JMJD7: variants seen among roughly 807,000 people sequenced by gnomAD.
JMJD7 encodes the protein bifunctional peptidase and (3S)-lysyl hydroxylase JMJD7.
JMJD7 carries 41 observed loss-of-function variants against 41.1 expected under a neutral mutation model. The observed-to-expected ratio is 1.00, with a 90% confidence interval of 0.78 to 1.30. The LOEUF (loss-of-function observed/expected upper bound fraction) is 1.30. JMJD7 is among the 50% of genes most tolerant of loss of function. The probability of loss-of-function intolerance (pLI) is 0.00; values close to 1 mark genes in which losing one functional copy is unlikely to be tolerated. For synonymous variants in JMJD7, 202 were observed against 177.2 expected, an observed-to-expected ratio of 1.14 and a Z score of -1.11; for missense variants, 480 against 420.7, an observed-to-expected ratio of 1.14 and a Z score of -1.23.
chr15:41,831,003 C>T (rs1477497330), intron 1 of JMJD7, among the ~76,000 whole-genome samples: 2 of 152,224 alleles, frequency 1.3e-5, no homozygotes, highest in Admixed American at 6.5e-5. Context: ...CGGTGAAGCC[C>T]GACCTTCAAG....
chr15:41,836,026 C>T (rs1022836726), intron 4 of JMJD7, 122 bp from the exon 5 acceptor site: 4 of 1,059,310 alleles, frequency 3.8e-6, no homozygotes, highest in Non-Finnish European at 5.3e-6. Context: ...CCCACTGGCT[C>T]TGTGCGTGCT....
At position 41,836,874 on chromosome 15, in the gene JMJD7, G is replaced by A. The variant is rs368105937; in HGVS notation, c.796G>A (p.Gly266Ser). 95 of 1,613,300 alleles carry A rather than the reference G, an allele frequency of 5.9e-5. No individual in the cohort carries two copies. The highest frequency in any genetic ancestry group is 5.2e-4 in the South Asian group (47 of 91,070). The change falls in exon 7 of 8, where the codon GGT (glycine) becomes AGT (serine). Residue 266 changes from glycine to serine, a missense_variant. Gly to Ser is a moderately conservative substitution (Grantham distance 56). Coordinates refer to ENST00000397299, the MANE Select transcript of JMJD7 (RefSeq NM_001114632.2). The part of the protein sequence containing the change: ...AQALRCTVRA[G>S]EMLYLPALWF... ...GGCCCTTCGCTGCACGGTGCGGGCC[G>A]GTGAGATGCTCTATCTGCCGGCTCT...
At chr15:41,836,594 A>G in intron 6 of JMJD7, 43 bp downstream of exon 6, 2 of 1,510,882 alleles carry the variant, frequency 1.3e-6, no homozygotes, top group Non-Finnish European at 1.8e-6. Flanking sequence ...AGAAGGGCAG[A>G]AGCCTGGCTC....
intron 1 of JMJD7, among the ~76,000 whole-genome samples, chr15:41,831,328 C>T (rs145889522): frequency 0.011 from 1,638 of 152,298 alleles, 22 homozygotes; most frequent in Non-Finnish European, 0.016. Flanking sequence ...TTCCTGGGCC[C>T]AGTGGGGTCT....
chr15:41,836,471 C>T lies in JMJD7; in HGVS notation c.626-4C>T. 6.3e-7 allele frequency: 1 copy of T among 1,578,626 alleles called. No individual in the cohort carries two copies. The highest frequency in any genetic ancestry group is 8.6e-7 in the Non-Finnish European group (1 of 1,161,184). On this transcript the variant is annotated splice_polypyrimidine_tract_variant and splice_region_variant and intron_variant, in intron 5 of 7. Coordinates refer to ENST00000397299, the MANE Select transcript of JMJD7 (RefSeq NM_001114632.2). ...CCCCCACACCCTTCTCCCTTGGGCT[C>T]CAGAGCTGTACACGCCGGCAACCTA...
intron 1 of JMJD7, among the ~76,000 whole-genome samples, chr15:41,830,110 C>T (rs1165402679): frequency 6.6e-6 from 1 of 152,198 alleles, no homozygotes; most frequent in African/African-American, 2.4e-5. Flanking sequence ...AGGCAGCCGA[C>T]TGCACCACCC....
chr15:41,828,324 C>A, intron 1 of JMJD7, 136 bp downstream of exon 1: 1 of 1,076,372 alleles, frequency 9.3e-7, no homozygotes, highest in Non-Finnish European at 1.2e-6. Flanking sequence ...CTGTGGCAAC[C>A]TGCTTCCCTT....
rs1388391556 is a variant in JMJD7 at position 41,836,801 on chromosome 15, C to A, written c.723C>A (p.Asp241Glu). The change falls in exon 7 of 8, where the codon GAC (aspartate) becomes GAA (glutamate). Residue 241 changes from aspartate to glutamate, a missense_variant. Physicochemically the swap from Asp to Glu is conservative, Grantham distance 45. Transcript: ENST00000397299. ...CCCAGGTGCCCTGGATCCCACTGGA[C>A]CCCTTGGCGCCAGACCTAGCACGGT... ...AMEKVPWIPL[D>E]PLAPDLARYP... 6 of 1,610,702 alleles carry A rather than the reference C, an allele frequency of 3.7e-6. No individual in the cohort carries two copies. The highest frequency in any genetic ancestry group is 5.1e-6 in the Non-Finnish European group (6 of 1,178,826).
At chr15:41,833,308 G>A (rs984479639) in intron 1 of JMJD7, among the ~76,000 whole-genome samples, 1 of 149,636 alleles carries the variant, frequency 6.7e-6, no homozygotes, top group African/African-American at 2.5e-5. Flanking sequence ...GGGTGCATCA[G>A]TGAACAGACA....
In JMJD7 at chr15:41,835,331, T is replaced by C. The variant is rs2065296109; in HGVS notation, c.472+108T>C. On this transcript the variant is annotated intron_variant, in intron 3 of 7. Transcript: ENST00000397299. ...GACCTGGCCTATGGGCTTGGTCCTGTCAGCATCTGGTGCAGCTCACTAAAT... is the reference window on the plus strand; with the variant it reads ...GACCTGGCCTATGGGCTTGGTCCTGCCAGCATCTGGTGCAGCTCACTAAAT... 6.9e-6 allele frequency: 10 copies of C among 1,453,244 alleles called. No homozygotes were observed. In the South Asian group the frequency reaches 1.2e-4, roughly 18 times the overall value. 90.0% of individuals were successfully genotyped at this position (1,453,244 alleles called of 1,614,324 possible).
chr15:41,834,277 C>G (rs2065276279), intron 1 of JMJD7, among the ~76,000 whole-genome samples: 1 of 152,256 alleles, frequency 6.6e-6, no homozygotes, highest in South Asian at 2.1e-4. Flanking sequence ...TGAGCACATT[C>G]CTGGTGCTCA....
At position 41,835,223 on chromosome 15, in the gene JMJD7, G is replaced by A. The variant is rs1282111162; in HGVS notation, c.472G>A (p.Gly158Arg). The change falls in exon 3 of 8, where the codon GGA (glycine) becomes AGA (arginine). Residue 158 changes from glycine (G) to arginine (R), a missense_variant and splice_region_variant. Coordinates refer to ENST00000397299, the MANE Select transcript of JMJD7 (RefSeq NM_001114632.2). ...SHVPWASEAL[G>R]KMPDAVNFWL... ...TGTGCCCTGGGCCTCCGAAGCCCTG[G>A]GTGAGTGGAGGTGGGGTGGTCGTGG... 5.0e-6 allele frequency: 8 copies of A among 1,596,784 alleles called. No individual in the cohort carries two copies. In the African/African-American group the frequency reaches 9.3e-5, roughly 19 times the overall value.
chr15:41,835,186 T>C lies in JMJD7; in HGVS notation c.435T>C (p.Asp145=), dbSNP rs754121935. 8.1e-6 allele frequency: 13 copies of C among 1,601,884 alleles called. No homozygotes were observed. The highest frequency in any genetic ancestry group is 3.3e-4 in the Middle Eastern group (2 of 6,058). ...LPSELPQLLP[D]LESHVPWASE... ...GCGAGCTGCCCCAGCTGCTGCCTGA[T>C]CTGGAATCCCATGTGCCCTGGGCCT... The change falls in exon 3 of 8, where the codon GAT becomes GAC. Residue 145 remains aspartate (D), a synonymous_variant. Transcript: ENST00000397299.
chr15:41,836,365 C>T, intron 5 of JMJD7, 110 bp from the exon 6 acceptor site: 2 of 1,554,254 alleles, frequency 1.3e-6, no homozygotes, highest in Middle Eastern at 1.7e-4. Flanking sequence ...CCCAGTGCAC[C>T]AGGGCCCCTG....
intron 1 of JMJD7, 49 bp from the exon 2 acceptor site, chr15:41,834,691 G>C: frequency 6.3e-7 from 1 of 1,599,456 alleles, no homozygotes; most frequent in Non-Finnish European, 8.5e-7. Flanking sequence ...CAGGGACTGG[G>C]TGCTGCAGAC....
chr15:41,833,414 A>ATATTTTTTTTTTT (rs1239528383), intron 1 of JMJD7, among the ~76,000 whole-genome samples: 2 of 32,012 alleles, frequency 6.2e-5, no homozygotes, highest in Non-Finnish European at 1.2e-4. Context: ...ATATATATAT[A>ATATTTTTTTTTTT]TTTTTTTTTT....
intron 4 of JMJD7, 78 bp from the exon 5 acceptor site, chr15:41,836,070 G>A (rs2065308623): frequency 2.1e-6 from 3 of 1,433,816 alleles, no homozygotes; most frequent in African/African-American, 2.9e-5. Context: ...GGGGTGCAGG[G>A]CTCTCAGCAT....
At chr15:41,835,253 G>A (rs554013827) in intron 3 of JMJD7, 30 bp downstream of exon 3, 3 of 1,582,126 alleles carry the variant, frequency 1.9e-6, no homozygotes, top group East Asian at 4.5e-5. Context: ...TCGTGGCCCT[G>A]GACAGGGAAG....
rs140976517 is a variant in JMJD7, at chr15:41,830,149, C to T, written c.64+1961C>T. ...CCCTCACATGGCTGGGCAGGACCTG[C>T]TCCTCAGCCCAGACCCTCTGCTGCA... is the stretch of plus-strand genomic sequence containing the variant. On this transcript the variant is annotated intron_variant, in intron 1 of 7. Coordinates refer to ENST00000397299, the MANE Select transcript of JMJD7 (RefSeq NM_001114632.2). 2.6e-5 allele frequency among the ~76,000 whole-genome samples: 4 copies of T among 152,324 alleles called. No homozygotes were observed. The South Asian group carries it at 6.2e-4, about 24-fold the overall frequency.
Sources: allele counts gnomAD v4.1 joint callset (sites outside exome capture counted in the v4.1 genomes callset), GRCh38; gene constraint gnomAD v4.1.1; transcripts MANE v1.5; gene names NCBI Gene and HGNC (gene_info 2026-07-23, HGNC 2026-07-21).